Variants in RANBP2 observed in about 807,000 individuals in gnomAD.
RANBP2 encodes E3 SUMO-protein ligase RanBP2.
RANBP2 carries 57 observed loss-of-function variants against 303.6 expected under a neutral mutation model. That is an observed-to-expected ratio of 0.19 (90% CI 0.15 to 0.23). The LOEUF is 0.23. Among genes scored for constraint, RANBP2 ranks in the 10% least tolerant of loss-of-function variants. The pLI, the probability that RANBP2 is intolerant of heterozygous loss-of-function variation, is 1.00. For synonymous variants in RANBP2, 1,167 were observed against 1,301.5 expected (o/e 0.90, Z 2.23); for missense variants, 3,138 against 3,780.8 (o/e 0.83, Z 4.46).
At chr2:108,944,295 G>T in the RANBP2 span, among the ~76,000 whole-genome samples, 3 of 152,100 alleles carry the variant, frequency 2.0e-5, no homozygotes, top group African/African-American at 7.2e-5. Flanking sequence ...TGTATTTTTA[G>T]TAGAGACGGG....
the RANBP2 span, among the ~76,000 whole-genome samples, chr2:109,081,763 G>A: frequency 1.4e-4 from 22 of 152,310 alleles, no homozygotes; most frequent in Admixed American, 3.3e-4. Context: ...ACAACCTGCC[G>A]CCGCCAGGGA....
chr2:108,855,815 A>G, the RANBP2 span, among the ~76,000 whole-genome samples: 4 of 152,242 alleles, frequency 2.6e-5, no homozygotes, highest in Admixed American at 6.5e-5. Context: ...AAGAAATGCA[A>G]CATGAAGCTA....
the RANBP2 span, among the ~76,000 whole-genome samples, chr2:109,676,534 A>G: frequency 6.6e-6 from 1 of 152,200 alleles, no homozygotes; most frequent in East Asian, 1.9e-4. Context: ...CTGCACCCTG[A>G]GATGACTGAG....
chr2:109,037,620 A>G, the RANBP2 span, among the ~76,000 whole-genome samples: 3 of 152,224 alleles, frequency 2.0e-5, no homozygotes, highest in Admixed American at 2.0e-4. Context: ...GCAGGGTACA[A>G]TAGCAATACA....
At chr2:109,144,717 C>T in the RANBP2 span, among the ~76,000 whole-genome samples, 7 of 152,224 alleles carry the variant, frequency 4.6e-5, no homozygotes, top group Non-Finnish European at 7.3e-5. Flanking sequence ...CTCCCAGGCC[C>T]ACCTCCAGCT....
At chr2:109,457,914 G>C in the RANBP2 span, among the ~76,000 whole-genome samples, 13 of 152,332 alleles carry the variant, frequency 8.5e-5, no homozygotes, top group Non-Finnish European at 1.6e-4. Context: ...GGGCATCTCT[G>C]AACATTCCAC....
At chr2:109,275,362 C>G in the RANBP2 span, among the ~76,000 whole-genome samples, 12 of 152,192 alleles carry the variant, frequency 7.9e-5, no homozygotes, top group Non-Finnish European at 1.8e-4. Flanking sequence ...TGATAAGTTG[C>G]TCAGAGCCCT....
chr2:108,839,090 G>T, the RANBP2 span: 1 of 1,308,034 alleles, frequency 7.6e-7, no homozygotes, highest in Non-Finnish European at 1.0e-6. Flanking sequence ...GTTTTGTTTT[G>T]TTTTTAAAGA....
At chr2:109,531,879 A>C in the RANBP2 span, among the ~76,000 whole-genome samples, 3 of 152,280 alleles carry the variant, frequency 2.0e-5, no homozygotes, top group East Asian at 5.8e-4. Flanking sequence ...CCCCAACATC[A>C]GTGAGCTCTG....
the RANBP2 span, among the ~76,000 whole-genome samples, chr2:109,044,264 T>G: frequency 6.6e-6 from 1 of 152,132 alleles, no homozygotes; most frequent in African/African-American, 2.4e-5. Flanking sequence ...CTCACTCCTG[T>G]AATCCCAGCA....
the RANBP2 span, among the ~76,000 whole-genome samples, chr2:109,692,970 C>T: frequency 6.6e-6 from 1 of 151,804 alleles, no homozygotes; most frequent in Non-Finnish European, 1.5e-5. Context: ...AGGCACCCGC[C>T]ACGGTGTCAG....
At chr2:109,338,373 G>A in the RANBP2 span, among the ~76,000 whole-genome samples, 5 of 151,958 alleles carry the variant, frequency 3.3e-5, no homozygotes, top group African/African-American at 9.7e-5. Context: ...GAGCGCTGGG[G>A]ACCCAGTTCT....
chr2:108,858,758 A>T, the RANBP2 span, among the ~76,000 whole-genome samples: 2 of 150,112 alleles, frequency 1.3e-5, no homozygotes, highest in South Asian at 4.2e-4. Flanking sequence ...ACATGGATTT[A>T]TTGTGTGATG....
chr2:109,680,403 G>T, the RANBP2 span, among the ~76,000 whole-genome samples: 21 of 151,336 alleles, frequency 1.4e-4, no homozygotes, highest in Non-Finnish European at 2.8e-4. Context: ...TTTAAAAAAA[G>T]ATAATAAAAT....
At chr2:109,386,541 C>G in the RANBP2 span, among the ~76,000 whole-genome samples, 1 of 152,236 alleles carries the variant, frequency 6.6e-6, no homozygotes, top group Admixed American at 6.5e-5. Context: ...GGATCTTGGG[C>G]CTTGGTTTGC....
chr2:109,380,437 G>A, the RANBP2 span, among the ~76,000 whole-genome samples: 2 of 152,184 alleles, frequency 1.3e-5, no homozygotes, highest in African/African-American at 4.8e-5. Flanking sequence ...TTATTGGGTT[G>A]TGGTTCAGTG....
the RANBP2 span, among the ~76,000 whole-genome samples, chr2:109,475,440 G>A: frequency 6.6e-6 from 1 of 152,186 alleles, no homozygotes; most frequent in African/African-American, 2.4e-5. Flanking sequence ...CAGCTTCTTG[G>A]GTCTTAAAGC....
At chr2:109,371,807 G>A in the RANBP2 span, 2 of 778,766 alleles carry the variant, frequency 2.6e-6, no homozygotes, top group Non-Finnish European at 2.1e-6. Flanking sequence ...ATAGCCTCTG[G>A]CCAGAGAGCT....
At chr2:109,602,901 CAAA>C in the RANBP2 span, among the ~76,000 whole-genome samples, 11 of 110,362 alleles carry the variant, frequency 1.0e-4, no homozygotes, top group Non-Finnish European at 1.3e-4. Flanking sequence ...GACCCTGTCT[CAAA>C]AAAAAAAAAA....
Sources: gnomAD v4.1 joint callset for allele counts (sites outside exome capture counted in the v4.1 genomes callset) on GRCh38, gnomAD v4.1.1 for gene constraint, MANE v1.5 for transcripts, NCBI Gene and HGNC (gene_info 2026-07-23, HGNC 2026-07-21) for gene names.